The following MTM1 variants were observed in gnomAD, a reference collection of about 807,000 sequenced individuals.
MTM1 encodes myotubularin 1.
In MTM1, 9 loss-of-function variants were observed where a neutral mutation model predicts 52.1. The ratio of observed to expected loss-of-function variants is 0.17; its 90% CI spans 0.10 to 0.30. MTM1 has a LOEUF of 0.30. MTM1 is among the 10% of genes least tolerant of loss of function. The pLI, the probability that MTM1 is intolerant of heterozygous loss-of-function variation, is 1.00. For synonymous variants in MTM1, 136 were observed against 163.8 expected (o/e 0.83, Z 1.29); for missense variants, 277 against 470.7 (o/e 0.59, Z 3.81).
Position 150,672,462 on chromosome X carries a change from A to G in MTM1, c.*867A>G, listed in dbSNP as rs1326818499. The G allele has an allele frequency of 8.9e-6, 1 of 111,929 alleles. No homozygotes were observed. The highest frequency in any genetic ancestry group is 3.2e-5 in the African/African-American group (1 of 30,780). The allele number at this position is 111,929 out of a possible 1,213,427, so 9.2% of individuals were successfully genotyped here. On this transcript the variant is annotated 3_prime_UTR_variant, in exon 15 of 15. Transcript: ENST00000370396. ...AGCTCATCTGCCAAAATGTAGGGCTACCGTCTTGGATGCATGAGCTATTGC... is the reference window on the plus strand; with the variant it reads ...AGCTCATCTGCCAAAATGTAGGGCTGCCGTCTTGGATGCATGAGCTATTGC...
chrX:150,623,704 C>T (rs2039520256), intron 6 of MTM1, among the ~76,000 whole-genome samples: 1 of 110,367 alleles, frequency 9.1e-6, no homozygotes, highest in Admixed American at 9.6e-5. Context: ...GAGAAGGGAC[C>T]ATTATTTCTG....
intron 7 of MTM1, among the ~76,000 whole-genome samples, chrX:150,639,663 A>C (rs1453585470): frequency 1.8e-5 from 2 of 112,264 alleles, no homozygotes; most frequent in African/African-American, 6.5e-5. Flanking sequence ...TTCTGTGCAT[A>C]ATATGTAACA....
rs782502620 is a variant in MTM1 at position 150,589,930 on chromosome X, T to A, written c.-10-2675T>A. Among the ~76,000 whole-genome samples the A allele has an allele frequency of 7.2e-5, 8 of 111,544 alleles. No homozygotes were observed. In the East Asian group the frequency reaches 1.9e-3, roughly 27 times the overall value. ...TTGTGCTCATAAAAATTAAAAATTT[T>A]AAAAATACTAGTAATTTGTTAACAG... is the stretch of plus-strand genomic sequence containing the variant. On this transcript the variant is annotated intron_variant, in intron 1 of 14. Transcript: ENST00000370396.
chrX:150,590,138 C>G (rs1368316493), intron 1 of MTM1, among the ~76,000 whole-genome samples: 1 of 111,719 alleles, frequency 9.0e-6, no homozygotes, highest in Non-Finnish European at 1.9e-5. Flanking sequence ...TTTGTGCACA[C>G]CAGCATGATG....
chrX:150,619,801 G>C (rs782294651), intron 6 of MTM1, among the ~76,000 whole-genome samples: 1 of 111,576 alleles, frequency 9.0e-6, no homozygotes, highest in African/African-American at 3.3e-5. Context: ...GAACTTAGAT[G>C]CAAATACCTG....
At chrX:150,592,260 T>C (rs1557412501) in intron 1 of MTM1, among the ~76,000 whole-genome samples, 1 of 111,971 alleles carries the variant, frequency 8.9e-6, no homozygotes, top group African/African-American at 3.3e-5. Context: ...ATTTGAGGCC[T>C]GTTGCACAAT....
chrX:150,669,638 C>T (rs2040364527), intron 14 of MTM1, among the ~76,000 whole-genome samples: 1 of 112,174 alleles, frequency 8.9e-6, no homozygotes, highest in South Asian at 3.7e-4. Flanking sequence ...AGCTTTTTTT[C>T]ATATCTTTGT....
chrX:150,598,182 G>A lies in MTM1; in HGVS notation c.137-410G>A, dbSNP rs782162532. Among the ~76,000 whole-genome samples the A allele has an allele frequency of 2.7e-5, 3 of 112,740 alleles. No individual in the cohort carries two copies. In the South Asian group the frequency reaches 1.1e-3, roughly 41 times the overall value. On this transcript the variant is annotated intron_variant, in intron 3 of 14. Transcript: ENST00000370396. ...ATGTTTCTGTGGTTAGAGATTGGTA[G>A]CCTCATCTCTCAGTCTAGTGGTTAG...
At chrX:150,564,468 C>T (rs781797836), upstream of MTM1, among the ~76,000 whole-genome samples, 4 of 111,454 alleles carry the variant, frequency 3.6e-5, no homozygotes, top group African/African-American at 1.3e-4. Context: ...GTGCAACCTC[C>T]GCCTCCCGGG....
intron 1 of MTM1, among the ~76,000 whole-genome samples, chrX:150,575,271 T>G (rs1557411609): frequency 8.9e-6 from 1 of 112,590 alleles, no homozygotes; most frequent in South Asian, 3.7e-4. Context: ...AGATTGCCTT[T>G]CCTGCTGCTC....
chrX:150,660,471 C>T lies in MTM1; in HGVS notation c.1454C>T (p.Ala485Val), dbSNP rs782137551. Residue 485 changes from alanine (A) to valine (V), a missense_variant, in exon 13 of 15, where the codon GCT becomes GTT. Coordinates refer to ENST00000370396, the MANE Select transcript of MTM1 (RefSeq NM_000252.3). Reference sequence around the variant, plus strand: ...ACTTTCTTATTCAACTGTGAATCTGCTCGAGAAAGACAGGTGAGTTAAAAT... The same window carrying T: ...ACTTTCTTATTCAACTGTGAATCTGTTCGAGAAAGACAGGTGAGTTAAAAT... ...FGTFLFNCESARERQKVTERT... is the reference protein window; with the variant it reads ...FGTFLFNCESVRERQKVTERT... 41 of 1,179,220 alleles carry T rather than the reference C, an allele frequency of 3.5e-5. No homozygotes were observed. In the Admixed American group the frequency reaches 7.7e-4, roughly 22 times the overall value.
At chrX:150,637,975 C>T (rs1557413734) in intron 6 of MTM1, among the ~76,000 whole-genome samples, 1 of 112,643 alleles carries the variant, frequency 8.9e-6, no homozygotes, top group African/African-American at 3.2e-5. Flanking sequence ...TTGATCTGAC[C>T]TATGACACTG....
At chrX:150,661,464 C>G (rs1390218180) in intron 13 of MTM1, among the ~76,000 whole-genome samples, 1 of 111,752 alleles carries the variant, frequency 8.9e-6, no homozygotes, top group African/African-American at 3.3e-5. Context: ...ATGAAATCAT[C>G]ATGTCAAAGA....
intron 6 of MTM1, among the ~76,000 whole-genome samples, chrX:150,635,488 T>C (rs1440993549): frequency 8.9e-6 from 1 of 112,258 alleles, no homozygotes; most frequent in Non-Finnish European, 1.9e-5. Flanking sequence ...GCTAAAAACC[T>C]CAAGACGTAT....
chrX:150,647,979 A>G (rs893029889), intron 9 of MTM1, among the ~76,000 whole-genome samples: 6 of 108,552 alleles, frequency 5.5e-5, no homozygotes, highest in Non-Finnish European at 1.2e-4. Flanking sequence ...TTATTTATGA[A>G]GAGAACTCTA....
chrX:150,669,697 G>C (rs782249235), intron 14 of MTM1, among the ~76,000 whole-genome samples: 1 of 111,731 alleles, frequency 9.0e-6, no homozygotes, highest in Admixed American at 9.5e-5. Context: ...CATATCCTTT[G>C]CCTACTTTCT....
intron 14 of MTM1, 30 bp downstream of exon 14, chrX:150,663,639 C>T: frequency 8.7e-7 from 1 of 1,143,691 alleles, no homozygotes; most frequent in South Asian, 1.8e-5. Context: ...TAAAAGATAG[C>T]AATGTCAACT....
chrX:150,583,284 TA>T (rs2038638442), intron 1 of MTM1, among the ~76,000 whole-genome samples: 1 of 59,246 alleles, frequency 1.7e-5, no homozygotes, highest in African/African-American at 7.1e-5. Flanking sequence ...AAATTATAAA[TA>T]TATATAAATT....
In MTM1 at chrX:150,641,388, T is replaced by G; in HGVS notation, c.648T>G (p.Val216=). The G allele has an allele frequency of 8.3e-7, 1 of 1,211,798 alleles. No homozygotes were observed. Among genetic ancestry groups the G allele is most frequent in the Non-Finnish European group, 1.1e-6 (1 of 895,457 alleles). ...YRASDDDLRR[V]ATFRSRNRIP... is the part of the protein sequence containing the mutation. ...CCTCAGATGATGACCTCCGGAGAGT[T>G]GCAACTTTTAGGTCCCGAAATCGAA... Residue 216 remains valine, a synonymous_variant, in exon 8 of 15, where the codon GTT becomes GTG. Transcript: ENST00000370396.
Sources: allele counts gnomAD v4.1 joint callset (sites outside exome capture counted in the v4.1 genomes callset), GRCh38; gene constraint gnomAD v4.1.1; transcripts MANE v1.5; gene names NCBI Gene and HGNC (gene_info 2026-07-23, HGNC 2026-07-21).